Variants in RIF1 observed in about 807,000 individuals in gnomAD.
RIF1 encodes replication timing regulatory factor 1, also known as telomere-associated protein RIF1.
Under a neutral mutation model 247.1 loss-of-function variants are expected in RIF1, and 45 were observed. The observed-to-expected ratio is 0.18, with a 90% CI of 0.14 to 0.23. The LOEUF is 0.23. Among genes scored for constraint, RIF1 ranks in the 10% least tolerant of loss-of-function variants. RIF1 has a pLI of 1.00. For missense variants in RIF1, 2,967 were observed against 2,862.5 expected (o/e 1.04, Z -0.83); for synonymous variants, 1,087 against 978.8 (o/e 1.11, Z -2.06).
chr2:151,456,211 T>C (rs972225743), intron 22 of RIF1, among the ~76,000 whole-genome samples: 2 of 152,146 alleles, frequency 1.3e-5, no homozygotes, highest in African/African-American at 4.8e-5. Context: ...ATTAACAAAG[T>C]TTTAGGAACA....
chr2:151,453,870 A>G (rs1694766919), intron 21 of RIF1, among the ~76,000 whole-genome samples: 2 of 152,168 alleles, frequency 1.3e-5, no homozygotes, highest in Admixed American at 1.3e-4. Context: ...TTTACCATCT[A>G]ATATCACATG....
At chr2:151,439,990 A>AAAAAAAAAAAAAAAC in intron 14 of RIF1, 37 bp from the exon 15 acceptor site, 1 of 856,194 alleles carries the variant, frequency 1.2e-6, no homozygotes, top group Non-Finnish European at 1.8e-6. Flanking sequence ...AAAAAAAAAA[A>AAAAAAAAAAAAAAAC]AAAAAGAACT....
At chr2:151,514,487 G>A in the RIF1 span, 55 of 1,312,152 alleles carry the variant, frequency 4.2e-5, no homozygotes, top group African/African-American at 7.1e-4. Flanking sequence ...ATTCTCTCAG[G>A]CAAAGAAGAA....
chr2:151,455,558 C>CGAAA (rs1695052696), intron 22 of RIF1, among the ~76,000 whole-genome samples: 1 of 151,826 alleles, frequency 6.6e-6, no homozygotes, highest in African/African-American at 2.4e-5. Flanking sequence ...AACCCTGGAT[C>CGAAA]GAAACTATTT....
intron 20 of RIF1, 100 bp downstream of exon 20, chr2:151,446,675 T>C: frequency 8.7e-7 from 1 of 1,150,658 alleles, no homozygotes; most frequent in South Asian, 1.3e-5. Flanking sequence ...TTACTGCCTC[T>C]ATTTATATGT....
the RIF1 span, among the ~76,000 whole-genome samples, chr2:151,523,241 T>G: frequency 1.3e-5 from 2 of 152,206 alleles, no homozygotes; most frequent in East Asian, 1.9e-4. Context: ...CATTAATTTA[T>G]AATAAAATAT....
chr2:151,495,112 C>T (rs997069496), intron 9 of RIF1: 1 of 152,232 alleles, frequency 6.6e-6, no homozygotes, highest in Non-Finnish European at 1.5e-5. Context: ...CAACATTCAG[C>T]TTATCATTAA....
rs575091306 is a variant in RIF1, at chr2:151,503,540, A to T, written c.*861+355A>T. On this transcript the variant is annotated intron_variant and NMD_transcript_variant, in intron 12 of 13. Transcript: ENST00000454583. ...TATTTGGGGGAAACTCATAAAAACA[A>T]TCTAGCTCTCAAATATAACATTCAA... 43 of 724,634 alleles carry T rather than the reference A, an allele frequency of 5.9e-5. No homozygotes were observed. The African/African-American group carries it at 7.3e-4, about 12-fold the overall frequency. 44.9% of individuals were successfully genotyped at this position (724,634 alleles called of 1,614,324 possible).
intron 6 of RIF1, among the ~76,000 whole-genome samples, chr2:151,417,933 A>G (rs1687492712): frequency 6.6e-6 from 1 of 152,182 alleles, no homozygotes; most frequent in Admixed American, 6.5e-5. Flanking sequence ...TATTGTAGGC[A>G]CTTCTAACAC....
the RIF1 span, chr2:151,524,306 A>T: frequency 1.2e-6 from 2 of 1,612,604 alleles, no homozygotes; most frequent in Non-Finnish European, 1.7e-6. Flanking sequence ...ACCCATCTGC[A>T]TTACCTGGCT....
At position 151,468,725 on chromosome 2, in the gene RIF1, A is replaced by G; in HGVS notation, c.6910A>G (p.Ile2304Val). 2.5e-6 allele frequency: 4 copies of G among 1,613,668 alleles called. No individual in the cohort carries two copies. The highest frequency in any genetic ancestry group is 3.4e-6 in the Non-Finnish European group (4 of 1,179,544). Residue 2304 changes from isoleucine to valine, a missense_variant, in exon 33 of 36, where the codon ATC becomes GTC. Coordinates refer to ENST00000444746, the MANE Select transcript of RIF1 (RefSeq NM_018151.5). Reference protein sequence around the residue: ...PLVNCVAPVDIILPQITSNMW... With the variant: ...PLVNCVAPVDVILPQITSNMW... ...GGTGAACTGTGTGGCACCAGTTGAC[A>G]TCATTTTACCTCAGATTACATCAAA... is the stretch of plus-strand genomic sequence containing the variant.
chr2:151,498,133 C>G, intron 10 of RIF1: 2 of 1,522,974 alleles, frequency 1.3e-6, no homozygotes, highest in East Asian at 4.9e-5. Context: ...GAAAGTATAT[C>G]CTTTTGTAAT....
At chr2:151,528,613 C>T in the RIF1 span, among the ~76,000 whole-genome samples, 22 of 152,324 alleles carry the variant, frequency 1.4e-4, no homozygotes, top group African/African-American at 5.3e-4. Flanking sequence ...TATGTCCCCT[C>T]TAGCACTAGT....
Position 151,457,987 on chromosome 2 carries a change from T to C in RIF1, c.2855+24T>C, listed in dbSNP as rs375804371. 35 of 1,486,010 alleles carry C rather than the reference T, an allele frequency of 2.4e-5. No individual in the cohort carries two copies. The African/African-American group carries it at 4.6e-4, about 19-fold the overall frequency. The allele number at this position is 1,486,010 out of a possible 1,614,324, so 92.1% of individuals were successfully genotyped here. On this transcript the variant is annotated intron_variant, in intron 24 of 35. Coordinates refer to ENST00000444746, the MANE Select transcript of RIF1 (RefSeq NM_018151.5). Reference sequence around the variant, plus strand: ...AAGTATGCTAACAACAAAACTTATATACAACTAACTATTCTGTTGTGATCA... The same window carrying C: ...AAGTATGCTAACAACAAAACTTATACACAACTAACTATTCTGTTGTGATCA...
chr2:151,434,870 T>C (rs1380799467), intron 10 of RIF1, among the ~76,000 whole-genome samples: 1 of 152,212 alleles, frequency 6.6e-6, no homozygotes, highest in Non-Finnish European at 1.5e-5. Context: ...ATTTTATATT[T>C]TATATAAATA....
chr2:151,528,845 A>T, the RIF1 span, among the ~76,000 whole-genome samples: 1 of 152,206 alleles, frequency 6.6e-6, no homozygotes, highest in Admixed American at 6.5e-5. Context: ...GAAGAAGCAG[A>T]TTGTAGAGTT....
At chr2:151,506,915 G>T (rs2069532447) in intron 13 of RIF1, 1 of 1,594,952 alleles carries the variant, frequency 6.3e-7, no homozygotes, top group Non-Finnish European at 8.6e-7. Context: ...ATACCGAGCT[G>T]AAATTCTTCT....
Position 151,474,076 on chromosome 2 carries a change from T to C in RIF1, c.7204+4T>C. 7.4e-7 allele frequency: 1 copy of C among 1,342,462 alleles called. No individual in the cohort carries two copies. Among genetic ancestry groups the C allele is most frequent in the Non-Finnish European group, 1.1e-6 (1 of 949,902 alleles). 83.2% of individuals were successfully genotyped at this position (1,342,462 alleles called of 1,614,324 possible). A position where few individuals can be genotyped will look rare whatever the true frequency, so the allele number is the denominator to read the frequency against. On this transcript the variant is annotated splice_donor_region_variant and intron_variant, in intron 35 of 35. Transcript: ENST00000444746. ...GATGAAGAAAGACTTGTCTCAGGTA[T>C]ATTTTAGCAAAAGTGGGATAATTTT...
At position 151,437,121 on chromosome 2, in the gene RIF1, T is replaced by C. The variant is rs1433364657; in HGVS notation, c.1372+118T>C. On this transcript the variant is annotated intron_variant, in intron 12 of 35. Transcript: ENST00000444746. Reference sequence around the variant, plus strand: ...AAATATTTTACAGTTGTGTATGAAATATGAATCTTTTTTTTATAGAAAACA... The same window carrying C: ...AAATATTTTACAGTTGTGTATGAAACATGAATCTTTTTTTTATAGAAAACA... 4.1e-6 allele frequency: 5 copies of C among 1,217,452 alleles called. No homozygotes were observed. In the Admixed American group the frequency reaches 1.2e-4, roughly 30 times the overall value. 75.4% of individuals were successfully genotyped at this position (1,217,452 alleles called of 1,614,324 possible).
Sources: gnomAD v4.1 joint callset for allele counts (sites outside exome capture counted in the v4.1 genomes callset) on GRCh38, gnomAD v4.1.1 for gene constraint, MANE v1.5 for transcripts, NCBI Gene and HGNC (gene_info 2026-07-23, HGNC 2026-07-21) for gene names.